CNTN4: variants seen among roughly 807,000 people sequenced by gnomAD.
The protein encoded by CNTN4 is contactin-4.
A neutral mutation model predicts 122.5 loss-of-function variants in CNTN4; 77 were observed. That is an observed-to-expected ratio of 0.63 (90% confidence interval 0.52 to 0.76). CNTN4 has a LOEUF of 0.76. Ranked by LOEUF, CNTN4 falls within the 30% of genes least tolerant of loss-of-function variation. The pLI is 0.00. For synonymous variants in CNTN4, 512 were observed against 447.0 expected, an observed-to-expected ratio of 1.15 and a Z score of -1.83; for missense variants, 1,256 against 1,259.1, an observed-to-expected ratio of 1.00 and a Z score of 0.04.
At chr3:3,055,644 G>C (rs967015463) in intron 24 of CNTN4, among the ~76,000 whole-genome samples, 9 of 152,146 alleles carry the variant, frequency 5.9e-5, no homozygotes, top group Non-Finnish European at 5.9e-5. Flanking sequence ...TTACTAGCTG[G>C]GTGATCTTAG....
At chr3:2,337,959 A>G (rs1182149934) in intron 2 of CNTN4, among the ~76,000 whole-genome samples, 2 of 152,092 alleles carry the variant, frequency 1.3e-5, no homozygotes, top group Non-Finnish European at 2.9e-5. Flanking sequence ...TTAGATACAT[A>G]CTAAACTTTT....
chr3:2,400,386 GGTGT>G (rs2046796445), intron 3 of CNTN4, among the ~76,000 whole-genome samples: 1 of 125,320 alleles, frequency 8.0e-6, no homozygotes, highest in Admixed American at 8.6e-5. Flanking sequence ...ATATGTGTGT[GGTGT>G]GTGTATGTGT....
Position 2,921,246 on chromosome 3 carries a change from A to T in CNTN4, c.1208-4383A>T, listed in dbSNP as rs146481538. 2.6e-5 allele frequency among the ~76,000 whole-genome samples: 4 copies of T among 152,292 alleles called. No individual in the cohort carries two copies. The East Asian group carries it at 7.7e-4, about 29-fold the overall frequency. On this transcript the variant is annotated intron_variant, in intron 12 of 24. Transcript: ENST00000418658. ...GAGACTGAGTCTCACTGTGTCACCGAGGCTGGTCTTGAACTCCTGGTTTCG... is the reference window on the plus strand; with the variant it reads ...GAGACTGAGTCTCACTGTGTCACCGTGGCTGGTCTTGAACTCCTGGTTTCG...
intron 4 of CNTN4, among the ~76,000 whole-genome samples, chr3:2,629,878 C>T (rs2082355110): frequency 6.6e-6 from 1 of 152,118 alleles, no homozygotes; most frequent in African/African-American, 2.4e-5. Flanking sequence ...TTCCCGCCAG[C>T]CCAACCTGCC....
intron 3 of CNTN4, among the ~76,000 whole-genome samples, chr3:2,501,399 A>G (rs541537832): frequency 3.3e-5 from 5 of 152,224 alleles, no homozygotes; most frequent in Non-Finnish European, 7.3e-5. Flanking sequence ...CACAAATTTC[A>G]TGGCTTAAAA....
intron 3 of CNTN4, among the ~76,000 whole-genome samples, chr3:2,509,444 C>G (rs1037938867): frequency 5.9e-5 from 9 of 152,144 alleles, no homozygotes; most frequent in African/African-American, 2.2e-4. Context: ...CAAAATTACT[C>G]AAAAGTTTAG....
chr3:2,939,500 G>C (rs2094594612), intron 13 of CNTN4, among the ~76,000 whole-genome samples: 1 of 152,060 alleles, frequency 6.6e-6, no homozygotes, highest in Non-Finnish European at 1.5e-5. Context: ...CATGGAACAG[G>C]AGTTAAAATT....
chr3:2,522,747 G>T (rs1208395621), intron 3 of CNTN4, among the ~76,000 whole-genome samples: 1 of 151,928 alleles, frequency 6.6e-6, no homozygotes, highest in Non-Finnish European at 1.5e-5. Context: ...GTCAGTCTTG[G>T]TGGTCCACAG....
intron 3 of CNTN4, chr3:2,362,475 G>A (rs913761063): frequency 4.2e-6 from 2 of 472,642 alleles, no homozygotes; most frequent in Admixed American, 2.6e-5. Context: ...AGGACTAGCA[G>A]TGTCTTGTGT....
intron 2 of CNTN4, among the ~76,000 whole-genome samples, chr3:2,177,941 G>A (rs540551957): frequency 6.6e-6 from 1 of 151,976 alleles, no homozygotes; most frequent in Non-Finnish European, 1.5e-5. Flanking sequence ...TCTATCGTCT[G>A]GATTTTAAAA....
intron 8 of CNTN4, among the ~76,000 whole-genome samples, chr3:2,877,358 T>G (rs2150936377): frequency 6.6e-6 from 1 of 152,334 alleles, no homozygotes; most frequent in South Asian, 2.1e-4. Context: ...ATATGGAATT[T>G]CAAGTGCCGT....
intron 3 of CNTN4, among the ~76,000 whole-genome samples, chr3:2,434,043 A>G (rs2048174060): frequency 6.6e-6 from 1 of 152,192 alleles, no homozygotes; most frequent in Non-Finnish European, 1.5e-5. Context: ...CAAAGGGTGC[A>G]AAGTTTAATT....
At chr3:2,502,466 C>G (rs1301936583) in intron 3 of CNTN4, among the ~76,000 whole-genome samples, 1 of 152,136 alleles carries the variant, frequency 6.6e-6, no homozygotes, top group Non-Finnish European at 1.5e-5. Flanking sequence ...ATGAATGGCA[C>G]CTCCTACAGT....
At chr3:2,538,890 A>T (rs1341495235) in intron 3 of CNTN4, among the ~76,000 whole-genome samples, 2 of 151,856 alleles carry the variant, frequency 1.3e-5, no homozygotes, top group Non-Finnish European at 2.9e-5. Flanking sequence ...TTGATTTATT[A>T]CTTAATATAT....
intron 13 of CNTN4, among the ~76,000 whole-genome samples, chr3:2,943,502 T>G (rs1380488014): frequency 6.6e-6 from 1 of 151,838 alleles, no homozygotes; most frequent in Non-Finnish European, 1.5e-5. Context: ...TGATTTAACA[T>G]CCAGCGTTTC....
At chr3:2,538,682 A>C (rs2077909684) in intron 3 of CNTN4, among the ~76,000 whole-genome samples, 1 of 151,944 alleles carries the variant, frequency 6.6e-6, no homozygotes, top group Non-Finnish European at 1.5e-5. Context: ...CTTATATTTC[A>C]TGTTATTATA....
chr3:2,234,208 G>A (rs1242485728), intron 2 of CNTN4, among the ~76,000 whole-genome samples: 6 of 151,560 alleles, frequency 4.0e-5, no homozygotes, highest in East Asian at 1.9e-4. Flanking sequence ...GTGAAACCCC[G>A]TCTCTACTAA....
In CNTN4 at chr3:2,319,441, C is replaced by T. The variant is rs1218872451; in HGVS notation, c.-144-19737C>T. On this transcript the variant is annotated intron_variant, in intron 2 of 24. Transcript: ENST00000418658. Reference sequence around the variant, plus strand: ...TAAAATAAAAGTTACACCAAGGGTGCCTGCCTTTCCTGCCTCGCCTTCCAT... The same window carrying T: ...TAAAATAAAAGTTACACCAAGGGTGTCTGCCTTTCCTGCCTCGCCTTCCAT... 5.3e-5 allele frequency among the ~76,000 whole-genome samples: 8 copies of T among 152,212 alleles called. No homozygotes were observed. The South Asian group carries it at 1.5e-3, about 28-fold the overall frequency.
intron 13 of CNTN4, among the ~76,000 whole-genome samples, chr3:2,971,109 G>A (rs1357546185): frequency 6.6e-6 from 1 of 152,134 alleles, no homozygotes; most frequent in Non-Finnish European, 1.5e-5. Context: ...TTACAATAAA[G>A]AAAATAAAAT....
Sources: allele counts gnomAD v4.1 joint callset (sites outside exome capture counted in the v4.1 genomes callset), GRCh38; gene constraint gnomAD v4.1.1; transcripts MANE v1.5; gene names NCBI Gene and HGNC (gene_info 2026-07-23, HGNC 2026-07-21).